SCN9A: variants seen among roughly 807,000 people sequenced by gnomAD.
SCN9A encodes the protein sodium channel protein type 9 subunit alpha.
A neutral mutation model predicts 187.0 loss-of-function variants in SCN9A; 131 were observed. The observed-to-expected ratio is 0.70, with a 90% CI of 0.61 to 0.81. The LOEUF (loss-of-function observed/expected upper bound fraction) is 0.81. Among genes scored for constraint, SCN9A ranks in the 30% least tolerant of loss-of-function variants. SCN9A has a pLI of 0.00. For synonymous variants in SCN9A, 809 were observed against 808.6 expected (o/e 1.00, Z -0.01); for missense variants, 2,252 against 2,396.6 (o/e 0.94, Z 1.26).
At chr2:166,214,265 T>A (rs969137415) in intron 24 of SCN9A, among the ~76,000 whole-genome samples, 2 of 152,072 alleles carry the variant, frequency 1.3e-5, no homozygotes, top group East Asian at 3.9e-4. Flanking sequence ...GGTTTTGAAC[T>A]GCCTGAGCAC....
intron 21 of SCN9A, among the ~76,000 whole-genome samples, chr2:166,231,773 G>A (rs1282791166): frequency 6.6e-6 from 1 of 151,710 alleles, no homozygotes; most frequent in Non-Finnish European, 1.5e-5. Flanking sequence ...GGCTGGTCTC[G>A]AACTCCTGAC....
intron 1 of SCN9A, among the ~76,000 whole-genome samples, chr2:166,337,687 T>C (rs1259204872): frequency 3.3e-5 from 5 of 152,116 alleles, no homozygotes; most frequent in Admixed American, 6.6e-5. Context: ...TGGTCGTATG[T>C]ATATTTCTAA....
chr2:166,358,293 C>T (rs1700200373), intron 1 of SCN9A, among the ~76,000 whole-genome samples: 1 of 152,016 alleles, frequency 6.6e-6, no homozygotes, highest in Non-Finnish European at 1.5e-5. Context: ...TGGTCTCCAA[C>T]TCCTGACCTC....
chr2:166,266,227 A>T (rs1696732019), intron 17 of SCN9A, among the ~76,000 whole-genome samples: 1 of 151,746 alleles, frequency 6.6e-6, no homozygotes, highest in African/African-American at 2.4e-5. Context: ...GTCTATTTTG[A>T]GTTGACTTGT....
intron 24 of SCN9A, among the ~76,000 whole-genome samples, chr2:166,218,008 T>C (rs1694409760): frequency 6.6e-6 from 1 of 152,008 alleles, no homozygotes; most frequent in Admixed American, 6.6e-5. Context: ...ACCATTACTT[T>C]TGCTGCAATT....
chr2:166,313,969 G>T (rs1699043196), intron 1 of SCN9A, among the ~76,000 whole-genome samples: 1 of 152,116 alleles, frequency 6.6e-6, no homozygotes, highest in Non-Finnish European at 1.5e-5. Flanking sequence ...CTGAGGAAAG[G>T]GAGAGAGATA....
intron 24 of SCN9A, among the ~76,000 whole-genome samples, chr2:166,218,421 T>A (rs1008480449): frequency 9.3e-5 from 14 of 150,436 alleles, no homozygotes; most frequent in African/African-American, 2.9e-4. Flanking sequence ...AAAAAATAAA[T>A]AAATAAAAAA....
intron 7 of SCN9A, 21 bp from the exon 8 acceptor site, chr2:166,294,683 C>T: frequency 6.6e-7 from 1 of 1,509,786 alleles, no homozygotes; most frequent in South Asian, 1.2e-5. Flanking sequence ...AGAATTTGAA[C>T]AGTTATAACA....
chr2:166,330,813 T>A (rs879827754), intron 1 of SCN9A, among the ~76,000 whole-genome samples: 4 of 152,064 alleles, frequency 2.6e-5, no homozygotes, highest in Admixed American at 1.3e-4. Flanking sequence ...GAGGAAGAAC[T>A]CAGGTGGTAA....
intron 24 of SCN9A, 66 bp downstream of exon 24, chr2:166,226,501 A>G: frequency 2.6e-6 from 3 of 1,146,130 alleles, no homozygotes; most frequent in Non-Finnish European, 3.6e-6. Context: ...TAAACTTTAC[A>G]TTATCTTTTT....
chr2:166,372,819 C>T (rs1431757222), intron 1 of SCN9A, among the ~76,000 whole-genome samples: 1 of 151,918 alleles, frequency 6.6e-6, no homozygotes. Flanking sequence ...ATCTACGAAC[C>T]CCCTACTACT....
At chr2:166,331,575 G>A (rs561576248) in intron 1 of SCN9A, among the ~76,000 whole-genome samples, 2 of 152,282 alleles carry the variant, frequency 1.3e-5, no homozygotes, top group Non-Finnish European at 2.9e-5. Context: ...TATGGCAAAT[G>A]AGCAAGACAT....
At chr2:166,290,023 A>C (rs963978336) in intron 9 of SCN9A, among the ~76,000 whole-genome samples, 1 of 152,030 alleles carries the variant, frequency 6.6e-6, no homozygotes, top group Non-Finnish European at 1.5e-5. Flanking sequence ...AGGTTTTAAG[A>C]CCTGCATGCA....
At chr2:166,269,542 A>C (rs899889280) in intron 17 of SCN9A, among the ~76,000 whole-genome samples, 29 of 151,998 alleles carry the variant, frequency 1.9e-4, no homozygotes, top group Non-Finnish European at 3.4e-4. Context: ...TAACTGTATA[A>C]CTCTATAACT....
At chr2:166,328,854 T>C (rs1270218731) in intron 1 of SCN9A, among the ~76,000 whole-genome samples, 1 of 152,184 alleles carries the variant, frequency 6.6e-6, no homozygotes, top group African/African-American at 2.4e-5. Flanking sequence ...TATTTGTATA[T>C]GAAAACTGAT....
chr2:166,340,486 TTTTTTTC>T (rs1699738400), intron 1 of SCN9A, among the ~76,000 whole-genome samples: 5 of 150,752 alleles, frequency 3.3e-5, no homozygotes, highest in African/African-American at 1.2e-4. Flanking sequence ...TTTCTCTTTC[TTTTTTTC>T]TTTCTTTCTT....
intron 21 of SCN9A, among the ~76,000 whole-genome samples, chr2:166,232,672 A>C (rs1695132421): frequency 6.6e-6 from 1 of 151,714 alleles, no homozygotes; most frequent in South Asian, 2.1e-4. Flanking sequence ...TATTAGATAA[A>C]GGCAGGATTA....
At chr2:166,340,661 C>T (rs1699763631) in intron 1 of SCN9A, among the ~76,000 whole-genome samples, 1 of 150,434 alleles carries the variant, frequency 6.6e-6, no homozygotes, top group South Asian at 2.1e-4. Flanking sequence ...TTCTGTGTCA[C>T]CCAGGCTGTA....
chr2:166,270,174 A>G (rs1696912257), intron 17 of SCN9A, among the ~76,000 whole-genome samples: 1 of 152,100 alleles, frequency 6.6e-6, no homozygotes, highest in Non-Finnish European at 1.5e-5. Context: ...ACATCTGTAG[A>G]GTCAACCAAC....
Sources: gnomAD v4.1 joint callset for allele counts (sites outside exome capture counted in the v4.1 genomes callset) on GRCh38, gnomAD v4.1.1 for gene constraint, MANE v1.5 for transcripts, NCBI Gene and HGNC (gene_info 2026-07-23, HGNC 2026-07-21) for gene names.